Variants in DOCK4 observed in about 807,000 individuals in gnomAD.
DOCK4 encodes dedicator of cytokinesis 4.
In DOCK4, 97 loss-of-function variants were observed where a neutral mutation model predicts 268.1. The ratio of observed to expected loss-of-function variants is 0.36; its 90% CI spans 0.31 to 0.43. The LOEUF is 0.43. DOCK4 is among the 20% of genes least tolerant of loss of function. The pLI is 1.00. For synonymous variants in DOCK4, 954 were observed against 887.2 expected (o/e 1.08, Z -1.34); for missense variants, 2,145 against 2,455.7 (o/e 0.87, Z 2.67).
chr7:111,830,270 C>T (rs557769134), intron 26 of DOCK4, among the ~76,000 whole-genome samples: 12 of 152,010 alleles, frequency 7.9e-5, no homozygotes, highest in African/African-American at 2.9e-4. Flanking sequence ...TACTAAAATA[C>T]AAAAAATCCG....
intron 1 of DOCK4, among the ~76,000 whole-genome samples, chr7:112,128,476 G>C (rs537440750): frequency 4.8e-4 from 73 of 152,324 alleles, no homozygotes; most frequent in South Asian, 2.5e-3. Context: ...GGAATAGAAA[G>C]GGGGGAAAGG....
rs367871555 is a variant in DOCK4, at chr7:112,059,431, C to T, written c.38-55300G>A. On this transcript the variant is annotated intron_variant, in intron 1 of 52. Coordinates refer to ENST00000428084, the MANE Select transcript of DOCK4 (RefSeq NM_001363540.2). ...TGCTGGGATTACAGGCGCGAGCCAC[C>T]ACCCCACCCGCGTTTCCAAATTTTT... 2.5e-3 allele frequency among the ~76,000 whole-genome samples: 387 copies of T among 152,194 alleles called. 3 individuals carry two copies. The highest frequency in any genetic ancestry group is 9.0e-3 in the African/African-American group (372 of 41,534).
intron 1 of DOCK4, among the ~76,000 whole-genome samples, chr7:112,097,993 C>T (rs1290167079): frequency 2.6e-5 from 4 of 152,154 alleles, no homozygotes; most frequent in Non-Finnish European, 5.9e-5. Flanking sequence ...TGCCTTCCTT[C>T]TCTCTCACTC....
At chr7:111,906,659 A>G (rs1791600753) in intron 13 of DOCK4, among the ~76,000 whole-genome samples, 1 of 152,144 alleles carries the variant, frequency 6.6e-6, no homozygotes, top group South Asian at 2.1e-4. Context: ...ATCTTGAGAT[A>G]GGGAGATTTT....
At chr7:111,735,032 T>A in intron 51 of DOCK4, 22 bp downstream of exon 51, 1 of 1,519,668 alleles carries the variant, frequency 6.6e-7, no homozygotes, top group Non-Finnish European at 9.0e-7. Context: ...AAAGTGATCA[T>A]TCAAATTCTT....
chr7:112,134,525 C>A (rs779089388), intron 1 of DOCK4, among the ~76,000 whole-genome samples: 5 of 151,820 alleles, frequency 3.3e-5, no homozygotes, highest in Non-Finnish European at 5.9e-5. Flanking sequence ...CGAGACCATG[C>A]GGGCTAACAT....
chr7:112,137,141 A>T (rs1435227611), intron 1 of DOCK4, among the ~76,000 whole-genome samples: 1 of 152,246 alleles, frequency 6.6e-6, no homozygotes, highest in Non-Finnish European at 1.5e-5. Flanking sequence ...GGTACAAATA[A>T]CTGCCAACCA....
chr7:111,843,471 C>G (rs1222418548), intron 25 of DOCK4, among the ~76,000 whole-genome samples: 1 of 152,118 alleles, frequency 6.6e-6, no homozygotes, highest in Non-Finnish European at 1.5e-5. Flanking sequence ...TGAAAAGTTG[C>G]TCAGCATCAT....
chr7:112,112,552 G>A (rs958654325), intron 1 of DOCK4, among the ~76,000 whole-genome samples: 1 of 152,034 alleles, frequency 6.6e-6, no homozygotes, highest in African/African-American at 2.4e-5. Context: ...GCTGAGGCAG[G>A]AGAATCACTG....
At chr7:112,042,440 G>A (rs1223883967) in intron 1 of DOCK4, among the ~76,000 whole-genome samples, 1 of 151,962 alleles carries the variant, frequency 6.6e-6, no homozygotes, top group East Asian at 1.9e-4. Context: ...AAACAATATT[G>A]AACAAAATTC....
chr7:111,832,323 G>C (rs1436671995), intron 26 of DOCK4, among the ~76,000 whole-genome samples: 1 of 152,068 alleles, frequency 6.6e-6, no homozygotes, highest in Non-Finnish European at 1.5e-5. Flanking sequence ...ATAGCATCGC[G>C]TGCTTACCCT....
In DOCK4 at chr7:111,877,025, A is replaced by G. The variant is rs769676250; in HGVS notation, c.1744+5T>C. On this transcript the variant is annotated splice_donor_5th_base_variant and intron_variant, in intron 17 of 52. Coordinates refer to ENST00000428084, the MANE Select transcript of DOCK4 (RefSeq NM_001363540.2). The stretch of plus-strand genomic sequence containing the variant: ...AGGGCTTTCAAATAAAACATTATAC[A>G]TTACCATTTTGTGTGAGTTTTGTGG... The G allele has an allele frequency of 1.3e-6, 2 of 1,521,930 alleles. No homozygotes were observed. Among genetic ancestry groups the G allele is most frequent in the Non-Finnish European group, 1.8e-6 (2 of 1,134,044 alleles). The allele number at this position is 1,521,930 out of a possible 1,614,324, so 94.3% of individuals were successfully genotyped here.
At chr7:112,182,126 T>A (rs937013329) in intron 1 of DOCK4, among the ~76,000 whole-genome samples, 1 of 152,206 alleles carries the variant, frequency 6.6e-6, no homozygotes, top group Admixed American at 6.5e-5. Context: ...CTGATCCTTA[T>A]TCCTCAGTTT....
Position 111,736,957 on chromosome 7 carries a change from GGCCCC to G in DOCK4, c.5260_5264del (p.Gly1754LeufsTer5). ...AGAGATTTGGGTCACTGCGTGGCAA[GGCCCC>G]GTCTCCAATATGATTAAACAGCATC... On this transcript the variant is annotated frameshift_variant, in exon 50 of 53. Transcript: ENST00000428084. LOFTEE classifies it high-confidence loss of function. The G allele has an allele frequency of 6.2e-7, 1 of 1,605,280 alleles. No individual in the cohort carries two copies. Among genetic ancestry groups the G allele is most frequent in the Non-Finnish European group, 8.5e-7 (1 of 1,175,818 alleles).
chr7:111,982,350 T>C (rs1288616567), intron 7 of DOCK4, among the ~76,000 whole-genome samples: 3 of 152,240 alleles, frequency 2.0e-5, no homozygotes, highest in Non-Finnish European at 4.4e-5. Flanking sequence ...TATCTTCTGC[T>C]TTTTATTTAT....
intron 1 of DOCK4, among the ~76,000 whole-genome samples, chr7:112,189,941 T>C (rs1819800855): frequency 1.3e-5 from 2 of 152,088 alleles, no homozygotes; most frequent in African/African-American, 4.8e-5. Flanking sequence ...CCACAATGTA[T>C]GTTTCAGATT....
At chr7:111,932,017 G>A (rs771118280) in intron 12 of DOCK4, among the ~76,000 whole-genome samples, 6 of 152,166 alleles carry the variant, frequency 3.9e-5, no homozygotes, top group African/African-American at 7.2e-5. Flanking sequence ...GACCTTTAAC[G>A]CAGGCCTTAA....
At chr7:112,035,521 T>C (rs1384361103) in intron 1 of DOCK4, among the ~76,000 whole-genome samples, 1 of 151,850 alleles carries the variant, frequency 6.6e-6, no homozygotes, top group African/African-American at 2.4e-5. Context: ...AGGAAATGCA[T>C]GGAAAACAGA....
chr7:111,783,985 A>C, intron 33 of DOCK4, 33 bp from the exon 34 acceptor site: 4 of 1,573,572 alleles, frequency 2.5e-6, no homozygotes, highest in Non-Finnish European at 3.5e-6. Flanking sequence ...CATTTTCAAC[A>C]TTTATTTTTA....
Sources: allele counts gnomAD v4.1 joint callset (sites outside exome capture counted in the v4.1 genomes callset), GRCh38; gene constraint gnomAD v4.1.1; transcripts MANE v1.5; gene names NCBI Gene and HGNC (gene_info 2026-07-23, HGNC 2026-07-21).